FER: variants seen among roughly 807,000 people sequenced by gnomAD.
The protein encoded by FER is tyrosine-protein kinase Fer.
Under a neutral mutation model 111.0 loss-of-function variants are expected in FER, and 63 were observed. That is an observed-to-expected ratio of 0.57 (90% CI 0.46 to 0.70). FER has a LOEUF of 0.70. Ranked by LOEUF, FER falls within the 30% of genes least tolerant of loss-of-function variation. The pLI is 0.00. For synonymous variants in FER, 327 were observed against 313.9 expected (o/e 1.04, Z -0.44); for missense variants, 914 against 954.0 (o/e 0.96, Z 0.55).
At chr5:108,768,743 G>T (rs572155310) in intron 2 of FER, among the ~76,000 whole-genome samples, 1 of 152,222 alleles carries the variant, frequency 6.6e-6, no homozygotes, top group Non-Finnish European at 1.5e-5. Flanking sequence ...TACACTGGAT[G>T]TTCCATCCTT....
chr5:109,067,719 T>C (rs548165714), intron 16 of FER, among the ~76,000 whole-genome samples: 1 of 152,154 alleles, frequency 6.6e-6, no homozygotes, highest in Non-Finnish European at 1.5e-5. Context: ...CTTGTAGATA[T>C]ATATTTTGGG....
At chr5:108,863,895 T>C (rs1763773142) in intron 5 of FER, among the ~76,000 whole-genome samples, 1 of 152,210 alleles carries the variant, frequency 6.6e-6, no homozygotes, top group African/African-American at 2.4e-5. Flanking sequence ...ATTACTTTAG[T>C]GATTCAAGTT....
At chr5:109,118,504 G>A (rs931013474) in intron 17 of FER, among the ~76,000 whole-genome samples, 2 of 152,126 alleles carry the variant, frequency 1.3e-5, no homozygotes, top group African/African-American at 4.8e-5. Context: ...TTGGTATCAG[G>A]ATGATGCTGG....
chr5:108,861,654 C>G (rs1208372714), intron 5 of FER, among the ~76,000 whole-genome samples: 1 of 152,072 alleles, frequency 6.6e-6, no homozygotes, highest in African/African-American at 2.4e-5. Flanking sequence ...ATTCTATGTA[C>G]TTCACGTTAA....
Position 109,192,629 on chromosome 5 carries a change from A to G in FER, c.*5054A>G, listed in dbSNP as rs2126909855. 6.6e-6 allele frequency: 1 copy of G among 152,294 alleles called. No individual in the cohort carries two copies. The highest frequency in any genetic ancestry group is 1.9e-4 in the East Asian group (1 of 5,186). 9.4% of individuals were successfully genotyped at this position (152,294 alleles called of 1,614,324 possible). Reference sequence around the variant, plus strand: ...ATTTAATATTTCTTAAGCTAAGATCACTGATTATCCACACGTTATTAGAAA... The same window carrying G: ...ATTTAATATTTCTTAAGCTAAGATCGCTGATTATCCACACGTTATTAGAAA... On this transcript the variant is annotated 3_prime_UTR_variant, in exon 20 of 20. Transcript: ENST00000281092.
At chr5:109,155,658 A>G (rs764970927) in intron 17 of FER, among the ~76,000 whole-genome samples, 1 of 152,034 alleles carries the variant, frequency 6.6e-6, no homozygotes, top group African/African-American at 2.4e-5. Flanking sequence ...ATTTTTCACA[A>G]GAGTGAAAAT....
intron 5 of FER, among the ~76,000 whole-genome samples, chr5:108,865,052 T>A (rs935599553): frequency 6.6e-6 from 1 of 152,198 alleles, no homozygotes; most frequent in African/African-American, 2.4e-5. Context: ...GGTTTGTTGT[T>A]CTCCTTGAAG....
chr5:108,928,005 A>G (rs1424325106), intron 10 of FER, among the ~76,000 whole-genome samples: 2 of 152,194 alleles, frequency 1.3e-5, no homozygotes, highest in Non-Finnish European at 2.9e-5. Context: ...TTATTTATCT[A>G]GGTTAATTTT....
intron 14 of FER, among the ~76,000 whole-genome samples, chr5:109,043,118 T>A (rs1771422169): frequency 6.6e-6 from 1 of 152,190 alleles, no homozygotes; most frequent in African/African-American, 2.4e-5. Context: ...AGGGTCTGAA[T>A]GCTTACAAGG....
chr5:109,058,792 G>GTGCGATCTCAGCTCAC (rs1244791065), intron 16 of FER, among the ~76,000 whole-genome samples: 1 of 122,236 alleles, frequency 8.2e-6, no homozygotes, highest in African/African-American at 3.3e-5. Flanking sequence ...GAGTGCAACT[G>GTGCGATCTCAGCTCAC]TGCGATCTCA....
intron 1 of FER, among the ~76,000 whole-genome samples, chr5:108,752,064 T>G (rs900411550): frequency 7.9e-5 from 12 of 152,126 alleles, no homozygotes; most frequent in Non-Finnish European, 1.3e-4. Flanking sequence ...ATTTCATTTG[T>G]CTTTGGTATG....
At chr5:109,027,965 T>G (rs907455472) in intron 13 of FER, among the ~76,000 whole-genome samples, 1 of 152,376 alleles carries the variant, frequency 6.6e-6, no homozygotes, top group East Asian at 1.9e-4. Context: ...TTAAAAGTAC[T>G]ATATTAATGA....
intron 3 of FER, among the ~76,000 whole-genome samples, chr5:108,810,249 A>G (rs1350279490): frequency 6.6e-6 from 1 of 152,198 alleles, no homozygotes; most frequent in African/African-American, 2.4e-5. Flanking sequence ...ATAAGCCAGT[A>G]CATAGCGCTT....
At chr5:109,098,208 TTTTC>T (rs1365888073) in intron 16 of FER, among the ~76,000 whole-genome samples, 1 of 151,850 alleles carries the variant, frequency 6.6e-6, no homozygotes, top group Non-Finnish European at 1.5e-5. Context: ...AGTGTAGTGT[TTTTC>T]TTTGTTTATT....
chr5:109,109,636 C>T (rs528388191), intron 17 of FER, among the ~76,000 whole-genome samples: 1 of 152,238 alleles, frequency 6.6e-6, no homozygotes, highest in Non-Finnish European at 1.5e-5. Flanking sequence ...TTCCACTCCC[C>T]ACAGCATCTC....
chr5:109,081,651 T>TGTCAGTGG (rs911986483), intron 16 of FER, among the ~76,000 whole-genome samples: 1 of 152,056 alleles, frequency 6.6e-6, no homozygotes, highest in Non-Finnish European at 1.5e-5. Flanking sequence ...CTTAAATAGT[T>TGTCAGTGG]GTCAGTGGTA....
intron 17 of FER, among the ~76,000 whole-genome samples, chr5:109,150,019 C>T (rs1754650595): frequency 6.6e-6 from 1 of 152,124 alleles, no homozygotes; most frequent in African/African-American, 2.4e-5. Context: ...GTTGCGCACT[C>T]CTTACGAAAA....
At chr5:108,756,621 A>G (rs1299993792) in intron 1 of FER, among the ~76,000 whole-genome samples, 1 of 152,120 alleles carries the variant, frequency 6.6e-6, no homozygotes, top group African/African-American at 2.4e-5. Flanking sequence ...ATTATAGGTC[A>G]ATATAACTTA....
chr5:108,980,114 T>C (rs1171520251), intron 13 of FER, among the ~76,000 whole-genome samples: 3 of 152,120 alleles, frequency 2.0e-5, no homozygotes, highest in African/African-American at 7.2e-5. Flanking sequence ...CAGAAACAAA[T>C]CCTTGAAACA....
Sources: allele counts gnomAD v4.1 joint callset (sites outside exome capture counted in the v4.1 genomes callset), GRCh38; gene constraint gnomAD v4.1.1; transcripts MANE v1.5; gene names NCBI Gene and HGNC (gene_info 2026-07-23, HGNC 2026-07-21).